Variants in HLCS observed in about 807,000 individuals in gnomAD.
HLCS encodes holocarboxylase synthetase.
A neutral mutation model predicts 75.0 loss-of-function variants in HLCS; 53 were observed. That is an observed-to-expected ratio of 0.71 (90% CI 0.57 to 0.89). The LOEUF (loss-of-function observed/expected upper bound fraction) is 0.89, where lower values mean the gene tolerates loss of function less well. Among genes scored for constraint, HLCS ranks in the 40% least tolerant of loss-of-function variants. The pLI is 0.00. For missense variants in HLCS, 966 were observed against 1,074.0 expected (o/e 0.90, Z 1.41); for synonymous variants, 431 against 428.6 (o/e 1.01, Z -0.07).
intron 6 of HLCS, among the ~76,000 whole-genome samples, chr21:36,866,841 T>A (rs1183111046): frequency 2.3e-5 from 3 of 129,272 alleles, no homozygotes; most frequent in African/African-American, 9.8e-5. Context: ...ATTTGAGTAG[T>A]TTTTTTTTTT....
chr21:36,867,128 T>C (rs2063585477), intron 6 of HLCS, among the ~76,000 whole-genome samples: 1 of 152,224 alleles, frequency 6.6e-6, no homozygotes, highest in Non-Finnish European at 1.5e-5. Flanking sequence ...ACATGCTTGA[T>C]GACCCAGTTC....
chr21:36,812,787 G>A (rs1048073731), intron 6 of HLCS, among the ~76,000 whole-genome samples: 11 of 152,278 alleles, frequency 7.2e-5, no homozygotes, highest in South Asian at 4.1e-4. Flanking sequence ...GGGCTGGCGC[G>A]GTGGCTCCCA....
At chr21:36,979,914 G>C (rs142280538) in intron 1 of HLCS, among the ~76,000 whole-genome samples, 2,605 of 151,338 alleles carry the variant, frequency 0.017, 71 homozygotes, top group African/African-American at 0.059. Context: ...AATTAGCCAG[G>C]CATGGTGGTG....
At chr21:36,916,559 G>A (rs2065942800) in intron 5 of HLCS, among the ~76,000 whole-genome samples, 1 of 142,240 alleles carries the variant, frequency 7.0e-6, no homozygotes, top group African/African-American at 2.6e-5. Flanking sequence ...TTTTGTAGAG[G>A]TGGAGTCTCG....
chr21:36,976,541 A>G (rs534695089), intron 1 of HLCS, among the ~76,000 whole-genome samples: 1 of 152,228 alleles, frequency 6.6e-6, no homozygotes, highest in African/African-American at 2.4e-5. Context: ...CCAAGATTGC[A>G]TCACTACACT....
At chr21:36,804,455 A>C (rs75581231) in intron 6 of HLCS, among the ~76,000 whole-genome samples, 2,359 of 152,238 alleles carry the variant, frequency 0.015, 59 homozygotes, top group African/African-American at 0.054. Context: ...TCTCCAGAGG[A>C]CACTGAAGAG....
At chr21:36,919,100 C>CT (rs138260748) in intron 5 of HLCS, among the ~76,000 whole-genome samples, 7,972 of 152,208 alleles carry the variant, frequency 0.052, 672 homozygotes, top group African/African-American at 0.18. Context: ...AAAACTGAAA[C>CT]AGTATCTGGG....
At chr21:36,927,443 C>T (rs563063803) in intron 5 of HLCS, among the ~76,000 whole-genome samples, 11 of 152,332 alleles carry the variant, frequency 7.2e-5, no homozygotes, top group African/African-American at 1.4e-4. Context: ...ATCACAGTAA[C>T]GGAGAAGCAC....
intron 1 of HLCS, among the ~76,000 whole-genome samples, chr21:36,979,399 ATCCGTTTACATTC>A (rs1243358768): frequency 6.6e-6 from 1 of 152,124 alleles, no homozygotes; most frequent in Non-Finnish European, 1.5e-5. Context: ...CATTACCTTC[ATCCGTTTACATTC>A]TCCAGCCATG....
intron 2 of HLCS, among the ~76,000 whole-genome samples, chr21:36,956,159 G>A (rs1025038069): frequency 6.6e-6 from 1 of 152,096 alleles, no homozygotes; most frequent in Admixed American, 6.6e-5. Context: ...CGTGGTGTCT[G>A]TTAATCCAGA....
intron 5 of HLCS, among the ~76,000 whole-genome samples, chr21:36,923,026 G>GTTCCGTCA (rs2066242807): frequency 6.6e-6 from 1 of 152,206 alleles, no homozygotes; most frequent in Non-Finnish European, 1.5e-5. Flanking sequence ...AGACTCAACG[G>GTTCCGTCA]TTCCGTCATC....
At chr21:36,812,847 C>A (rs2061551832) in intron 6 of HLCS, among the ~76,000 whole-genome samples, 1 of 152,100 alleles carries the variant, frequency 6.6e-6, no homozygotes, top group Non-Finnish European at 1.5e-5. Flanking sequence ...TGGCTTGAGT[C>A]CAGGATTTCA....
chr21:36,937,099 T>C lies in HLCS; in HGVS notation c.787A>G (p.Thr263Ala). The C allele has an allele frequency of 6.2e-7, 1 of 1,614,056 alleles. No individual in the cohort carries two copies. ...GACGCAAACTTGACTGACTCAATGGTGCTGTTCTCAAGTTCCAGACACTCG... is the reference window on the plus strand; with the variant it reads ...GACGCAAACTTGACTGACTCAATGGCGCTGTTCTCAAGTTCCAGACACTCG... ...CHECLELENS[T>A]IESVKFASAE... Residue 263 changes from threonine to alanine, a missense_variant, in exon 4 of 11, where the codon ACC (threonine) becomes GCC (alanine). Coordinates refer to ENST00000674895, the MANE Select transcript of HLCS (RefSeq NM_001352514.2).
At chr21:36,922,391 G>C (rs745526115) in intron 5 of HLCS, among the ~76,000 whole-genome samples, 1 of 152,106 alleles carries the variant, frequency 6.6e-6, no homozygotes, top group Non-Finnish European at 1.5e-5. Flanking sequence ...TTTTAAGAAA[G>C]AAAAGACCCA....
At chr21:36,776,978 T>C (rs1283747436) in intron 6 of HLCS, among the ~76,000 whole-genome samples, 2 of 152,226 alleles carry the variant, frequency 1.3e-5, no homozygotes, top group Admixed American at 6.5e-5. Context: ...TACAGAAAAA[T>C]TGTGCAGAAA....
upstream of HLCS, among the ~76,000 whole-genome samples, chr21:36,966,820 C>CGGG (rs543610093): frequency 2.2e-3 from 196 of 87,522 alleles, 1 homozygote; most frequent in African/African-American, 9.3e-3. Context: ...GCGGGAGGGG[C>CGGG]GGGGGGGGGT....
At chr21:36,880,923 GT>G (rs1476254825) in intron 6 of HLCS, among the ~76,000 whole-genome samples, 10 of 152,042 alleles carry the variant, frequency 6.6e-5, no homozygotes, top group Admixed American at 4.6e-4. Context: ...CGTTCTGGGT[GT>G]TTGGGTTGGA....
upstream of HLCS, among the ~76,000 whole-genome samples, chr21:36,968,343 T>C (rs1281224290): frequency 6.6e-6 from 1 of 152,212 alleles, no homozygotes; most frequent in Admixed American, 6.5e-5. Context: ...TGCTTTAATA[T>C]AGCTGCATAG....
intron 1 of HLCS, among the ~76,000 whole-genome samples, chr21:36,989,756 C>A (rs116049766): frequency 0.059 from 8,989 of 152,198 alleles, 328 homozygotes; most frequent in Middle Eastern, 0.15. Flanking sequence ...GGCGAGTAGG[C>A]CCTGCGGCTC....
Sources: allele counts gnomAD v4.1 joint callset (sites outside exome capture counted in the v4.1 genomes callset), GRCh38; gene constraint gnomAD v4.1.1; transcripts MANE v1.5; gene names NCBI Gene and HGNC (gene_info 2026-07-23, HGNC 2026-07-21).